PADI6: variants seen among roughly 807,000 people sequenced by gnomAD.
PADI6 encodes the protein peptidyl arginine deiminase 6.
PADI6 carries 66 observed loss-of-function variants against 78.2 expected under a neutral mutation model. That is an observed-to-expected ratio of 0.84 (90% CI 0.69 to 1.04). The LOEUF is 1.04. Ranked by LOEUF, PADI6 falls within the 50% of genes least tolerant of loss-of-function variation. PADI6 has a pLI of 0.00. For missense variants in PADI6, 854 were observed against 866.1 expected, an observed-to-expected ratio of 0.99 and a Z score of 0.18; for synonymous variants, 397 against 346.9, an observed-to-expected ratio of 1.14 and a Z score of -1.60.
Position 17,379,137 on chromosome 1 carries a change from C to T in PADI6, c.368-783C>T, listed in dbSNP as rs533018129. On this transcript the variant is annotated intron_variant, in intron 3 of 15. Transcript: ENST00000619609. Reference sequence around the variant, plus strand: ...TTTTTTTTTTTTTTTTTTTTTAAGACGGAGTCTCGCTGTCGCCCAGGCTGG... The same window carrying T: ...TTTTTTTTTTTTTTTTTTTTTAAGATGGAGTCTCGCTGTCGCCCAGGCTGG... Among the ~76,000 whole-genome samples, 330 of 74,854 alleles carry T rather than the reference C, an allele frequency of 4.4e-3. 10 individuals carry two copies. Among genetic ancestry groups the T allele is most frequent in the African/African-American group, 0.028 (292 of 10,446 alleles). 49.1% of individuals were successfully genotyped at this position (74,854 alleles called of 152,430 possible).
intron 8 of PADI6, among the ~76,000 whole-genome samples, chr1:17,390,869 T>G (rs895922372): frequency 1.3e-5 from 2 of 152,180 alleles, no homozygotes; most frequent in Non-Finnish European, 2.9e-5. Flanking sequence ...GAAACCCAAG[T>G]CTTCCATACA....
intron 12 of PADI6, among the ~76,000 whole-genome samples, 184 bp downstream of exon 12, chr1:17,395,291 C>T (rs1430329932): frequency 1.3e-5 from 2 of 151,832 alleles, no homozygotes; most frequent in African/African-American, 2.4e-5. Context: ...GCAACCACTG[C>T]CTCCCGGACT....
intron 3 of PADI6, among the ~76,000 whole-genome samples, chr1:17,376,580 A>G (rs2075019723): frequency 6.7e-6 from 1 of 148,922 alleles, no homozygotes; most frequent in Admixed American, 6.7e-5. Context: ...TTGTATTTTT[A>G]GTGGAGACGG....
intron 1 of PADI6, 51 bp from the exon 2 acceptor site, chr1:17,373,005 G>T: frequency 6.4e-7 from 1 of 1,562,756 alleles, no homozygotes; most frequent in East Asian, 2.3e-5. Flanking sequence ...TCATCTCCTA[G>T]GCTGAGAAGG....
chr1:17,392,487 C>T lies in PADI6; in HGVS notation c.1074+262C>T, dbSNP rs74419307. On this transcript the variant is annotated intron_variant, in intron 9 of 15. Transcript: ENST00000619609. ...CCACAGAACCCTAACCCCCAGGCCC[C>T]GGAAGGCTCTGATACCTTTGGCTAA... Among the ~76,000 whole-genome samples, 1,317 of 152,276 alleles carry T rather than the reference C, an allele frequency of 8.6e-3. 29 individuals are homozygous for T. The highest frequency in any genetic ancestry group is 0.029 in the African/African-American group (1,206 of 41,532).
rs2075232582 is a variant in PADI6 at position 17,395,093 on chromosome 1, AATG to A, written c.1482_1484del (p.Asn494_Glu495delinsLys). 6.8e-6 allele frequency: 11 copies of A among 1,613,740 alleles called. No individual in the cohort carries two copies. The highest frequency in any genetic ancestry group is 8.5e-7 in the Non-Finnish European group (1 of 1,179,822). ...GTGCTTCATCCCCACAGATGACAAG[AATG>A]AGGGCAAAAAGGTCTGCTTTGGGGT... On this transcript the variant is annotated inframe_deletion, in exon 12 of 16. Coordinates refer to ENST00000619609, the MANE Select transcript of PADI6 (RefSeq NM_207421.4).
intron 6 of PADI6, among the ~76,000 whole-genome samples, chr1:17,387,732 CAG>C (rs757845141): frequency 2.0e-4 from 30 of 152,180 alleles, no homozygotes; most frequent in Non-Finnish European, 4.1e-4. Flanking sequence ...GCCTGGGCGA[CAG>C]AGCAAGACTC....
intron 15 of PADI6, 142 bp downstream of exon 15, chr1:17,398,989 C>G (rs536201061): frequency 2.3e-4 from 225 of 964,526 alleles, no homozygotes; most frequent in Non-Finnish European, 3.2e-4. Flanking sequence ...CCCTTCTCCC[C>G]CATCTCGGTT....
chr1:17,387,305 C>A (rs1471291509), intron 6 of PADI6, among the ~76,000 whole-genome samples: 1 of 152,040 alleles, frequency 6.6e-6, no homozygotes, highest in Non-Finnish European at 1.5e-5. Context: ...ACTAGCCGGG[C>A]ATGGTGGTGC....
intron 15 of PADI6, among the ~76,000 whole-genome samples, chr1:17,400,421 C>T (rs1486188238): frequency 7.9e-5 from 12 of 152,110 alleles, no homozygotes; most frequent in South Asian, 2.1e-4. Context: ...GCAGGAGAAT[C>T]GCTTGAACCT....
At chr1:17,375,227 C>T (rs1432024237) in intron 2 of PADI6, among the ~76,000 whole-genome samples, 200 bp from the exon 3 acceptor site, 3 of 152,134 alleles carry the variant, frequency 2.0e-5, no homozygotes, top group African/African-American at 7.2e-5. Flanking sequence ...GGTTGGGGGT[C>T]ATGGCAGGTT....
chr1:17,374,775 T>G (rs1178796684), intron 2 of PADI6, among the ~76,000 whole-genome samples: 8 of 152,244 alleles, frequency 5.3e-5, no homozygotes, highest in Non-Finnish European at 7.4e-5. Flanking sequence ...GACTAAAGCT[T>G]CTATTTAAGG....
At chr1:17,372,738 C>T (rs1000294743) in intron 1 of PADI6, among the ~76,000 whole-genome samples, 3 of 152,128 alleles carry the variant, frequency 2.0e-5, no homozygotes, top group African/African-American at 7.2e-5. Context: ...CTTCCTGAGT[C>T]GCTTGCCCTG....
chr1:17,385,213 C>G (rs554603751), intron 6 of PADI6, among the ~76,000 whole-genome samples: 34 of 152,258 alleles, frequency 2.2e-4, no homozygotes, highest in African/African-American at 8.2e-4. Flanking sequence ...GTGTTGGTGG[C>G]TTGCTCTGAG....
chr1:17,396,991 G>T (rs2075253082), intron 13 of PADI6, 80 bp from the exon 14 acceptor site: 1 of 1,417,308 alleles, frequency 7.1e-7, no homozygotes, highest in African/African-American at 1.4e-5. Context: ...CAGGTGGCTG[G>T]GCCTGGCCCG....
At chr1:17,399,118 C>A (rs2075276265) in intron 15 of PADI6, among the ~76,000 whole-genome samples, 1 of 152,132 alleles carries the variant, frequency 6.6e-6, no homozygotes, top group African/African-American at 2.4e-5. Context: ...AGCTGCGCCC[C>A]CAGTCTAAAA....
At chr1:17,400,162 A>G (rs1228665382) in intron 15 of PADI6, among the ~76,000 whole-genome samples, 2 of 149,976 alleles carry the variant, frequency 1.3e-5, no homozygotes, top group Non-Finnish European at 3.0e-5. Context: ...GAGCCACTGC[A>G]CTCTAGCCTG....
At chr1:17,385,519 G>T (rs1467255737) in intron 6 of PADI6, among the ~76,000 whole-genome samples, 1 of 152,160 alleles carries the variant, frequency 6.6e-6, no homozygotes, top group Non-Finnish European at 1.5e-5. Flanking sequence ...AAACAGATCG[G>T]AAGGCATTGT....
chr1:17,376,142 T>C (rs1213223121), intron 3 of PADI6, among the ~76,000 whole-genome samples: 1 of 151,564 alleles, frequency 6.6e-6, no homozygotes, highest in African/African-American at 2.4e-5. Flanking sequence ...GCCTGGCTAA[T>C]TTTTATATTT....
Sources: allele counts gnomAD v4.1 joint callset (sites outside exome capture counted in the v4.1 genomes callset), GRCh38; gene constraint gnomAD v4.1.1; transcripts MANE v1.5; gene names NCBI Gene and HGNC (gene_info 2026-07-23, HGNC 2026-07-21).